PLD5: variants seen among roughly 807,000 people sequenced by gnomAD.
PLD5 encodes the protein inactive phospholipase D5.
PLD5 carries 36 observed loss-of-function variants against 61.1 expected under a neutral mutation model. The ratio of observed to expected loss-of-function variants is 0.59; its 90% CI spans 0.45 to 0.78. PLD5 has a LOEUF of 0.78. Ranked by LOEUF, PLD5 falls within the 30% of genes least tolerant of loss-of-function variation. PLD5 has a pLI of 0.00. For missense variants in PLD5, 515 were observed against 644.4 expected (o/e 0.80, Z 2.17); for synonymous variants, 243 against 242.8 (o/e 1.00, Z -0.01).
intron 5 of PLD5, among the ~76,000 whole-genome samples, chr1:242,171,717 G>GAA (rs59594701): frequency 1.1e-3 from 158 of 144,518 alleles, no homozygotes; most frequent in Middle Eastern, 3.5e-3. Context: ...CAAATGGAAA[G>GAA]AAAAAAAAAA....
chr1:242,175,567 C>G (rs562482989), intron 5 of PLD5, among the ~76,000 whole-genome samples: 1 of 152,298 alleles, frequency 6.6e-6, no homozygotes, highest in South Asian at 2.1e-4. Flanking sequence ...CTCACTACTC[C>G]TATTCAGTAT....
chr1:242,110,028 T>C (rs1661357667), intron 7 of PLD5, among the ~76,000 whole-genome samples: 1 of 147,794 alleles, frequency 6.8e-6, no homozygotes, highest in African/African-American at 2.5e-5. Context: ...AATCACATTA[T>C]ATTATTATAT....
intron 1 of PLD5, among the ~76,000 whole-genome samples, chr1:242,480,061 A>C (rs1455609051): frequency 6.6e-6 from 1 of 151,938 alleles, no homozygotes; most frequent in East Asian, 1.9e-4. Flanking sequence ...GAAAAAAAAA[A>C]AACAAAAAAA....
In PLD5 at chr1:242,376,894, A is replaced by G; in HGVS notation, c.190-28652T>C. 4 of 1,575,286 alleles carry G rather than the reference A, an allele frequency of 2.5e-6. No individual in the cohort carries two copies. The South Asian group carries it at 4.7e-5, about 19-fold the overall frequency. ...ATGTCTTTTTTATTCCAATGTGGACAGGGATTTTCCTCATGGATCATCTGT... is the reference window on the plus strand; with the variant it reads ...ATGTCTTTTTTATTCCAATGTGGACGGGGATTTTCCTCATGGATCATCTGT... On this transcript the variant is annotated intron_variant, in intron 1 of 9. Coordinates refer to ENST00000536534, the MANE Select transcript of PLD5 (RefSeq NM_001372062.1).
chr1:242,418,835 T>C (rs1324077436), intron 1 of PLD5, among the ~76,000 whole-genome samples: 2 of 152,206 alleles, frequency 1.3e-5, no homozygotes, highest in Non-Finnish European at 2.9e-5. Context: ...TGTTCTTGAC[T>C]AAGGGTCCAG....
intron 1 of PLD5, among the ~76,000 whole-genome samples, chr1:242,419,562 A>C (rs554460908): frequency 1.9e-5 from 2 of 104,058 alleles, no homozygotes; most frequent in African/African-American, 8.5e-5. Context: ...CACCCGGCTA[A>C]ATTTTTTGCA....
intron 5 of PLD5, among the ~76,000 whole-genome samples, chr1:242,139,975 A>C (rs1416423450): frequency 6.6e-6 from 1 of 152,192 alleles, no homozygotes; most frequent in East Asian, 1.9e-4. Flanking sequence ...ATCTCTTGCA[A>C]CTAGGAAAAG....
At chr1:242,137,474 A>G (rs954267397) in intron 5 of PLD5, among the ~76,000 whole-genome samples, 1 of 152,094 alleles carries the variant, frequency 6.6e-6, no homozygotes, top group Non-Finnish European at 1.5e-5. Flanking sequence ...CACAACCAAT[A>G]TTGTCTTAAA....
chr1:242,458,810 G>A (rs1371651689), intron 1 of PLD5, among the ~76,000 whole-genome samples: 1 of 152,120 alleles, frequency 6.6e-6, no homozygotes, highest in African/African-American at 2.4e-5. Flanking sequence ...AGCCAGAGAC[G>A]GTATTTGGCT....
upstream of PLD5, among the ~76,000 whole-genome samples, chr1:242,529,285 A>G (rs12748094): frequency 6.6e-6 from 1 of 152,158 alleles, no homozygotes; most frequent in Admixed American, 6.5e-5. Flanking sequence ...TAAAATGACA[A>G]TGAAGGTTTT....
chr1:242,231,949 AAAAG>A (rs200765521), intron 4 of PLD5, among the ~76,000 whole-genome samples: 1,607 of 151,562 alleles, frequency 0.011, 30 homozygotes, highest in African/African-American at 0.037. Flanking sequence ...GAAAAAAAAA[AAAAG>A]AAAGAAAAAG....
chr1:242,296,013 C>T (rs937945186), intron 2 of PLD5, among the ~76,000 whole-genome samples: 1 of 152,158 alleles, frequency 6.6e-6, no homozygotes, highest in Non-Finnish European at 1.5e-5. Context: ...CAGTTATGAG[C>T]TGTGTGACCT....
chr1:242,494,786 G>T (rs574601433), intron 1 of PLD5, among the ~76,000 whole-genome samples: 1 of 151,558 alleles, frequency 6.6e-6, no homozygotes, highest in South Asian at 2.1e-4. Context: ...TAATAATCTT[G>T]ATATAACTCA....
chr1:242,444,615 A>G (rs918448127), intron 1 of PLD5, among the ~76,000 whole-genome samples: 3 of 98,126 alleles, frequency 3.1e-5, no homozygotes, highest in African/African-American at 9.9e-5. Context: ...CCTACTTTAT[A>G]CAAATAATAT....
At chr1:242,173,915 T>C (rs1666938117) in intron 5 of PLD5, among the ~76,000 whole-genome samples, 1 of 152,244 alleles carries the variant, frequency 6.6e-6, no homozygotes, top group Non-Finnish European at 1.5e-5. Context: ...GATTAAAGAC[T>C]TAAATGTTAG....
intron 5 of PLD5, among the ~76,000 whole-genome samples, chr1:242,133,068 A>C (rs1173775635): frequency 7.7e-6 from 1 of 129,856 alleles, no homozygotes; most frequent in Non-Finnish European, 1.6e-5. Context: ...TTTTCTCTGC[A>C]TCACACAAGA....
At chr1:242,422,493 A>G (rs1409062632) in intron 1 of PLD5, among the ~76,000 whole-genome samples, 1 of 152,238 alleles carries the variant, frequency 6.6e-6, no homozygotes, top group Non-Finnish European at 1.5e-5. Context: ...TCAAATACAT[A>G]TAACTTATGT....
chr1:242,469,234 T>C (rs1025157815), intron 1 of PLD5, among the ~76,000 whole-genome samples: 1 of 152,240 alleles, frequency 6.6e-6, no homozygotes, highest in Non-Finnish European at 1.5e-5. Flanking sequence ...TATGCCAAAT[T>C]GATCTCCAGA....
At chr1:242,431,629 A>T (rs1220538385) in intron 1 of PLD5, among the ~76,000 whole-genome samples, 1 of 152,258 alleles carries the variant, frequency 6.6e-6, no homozygotes. Context: ...GAAGAGCAAT[A>T]ACATTTTTCA....
Sources: gnomAD v4.1 joint callset for allele counts (sites outside exome capture counted in the v4.1 genomes callset) on GRCh38, gnomAD v4.1.1 for gene constraint, MANE v1.5 for transcripts, NCBI Gene and HGNC (gene_info 2026-07-23, HGNC 2026-07-21) for gene names.